The following WAS variants were observed in gnomAD, a reference collection of about 807,000 sequenced individuals.
WAS encodes the protein actin nucleation-promoting factor WAS.
WAS carries 1 observed loss-of-function variant against 38.9 expected under a neutral mutation model. The observed-to-expected ratio is 0.03, with a 90% CI of 0.01 to 0.12. The LOEUF (loss-of-function observed/expected upper bound fraction) is 0.12. Ranked by LOEUF, WAS falls within the 10% of genes least tolerant of loss-of-function variation. The pLI is 1.00. For synonymous variants in WAS, 182 were observed against 173.6 expected, an observed-to-expected ratio of 1.05 and a Z score of -0.38; for missense variants, 311 against 431.2, an observed-to-expected ratio of 0.72 and a Z score of 2.47.
upstream of WAS, among the ~76,000 whole-genome samples, chrX:48,682,775 G>T (rs2147261455): frequency 9.1e-6 from 1 of 109,322 alleles, no homozygotes; most frequent in African/African-American, 3.3e-5. Context: ...TGTGCCTGTA[G>T]TCCCAGCTAC....
chrX:48,686,680 A>AAC lies in WAS; in HGVS notation c.560-91_560-90dup, dbSNP rs2062421010. ...TCACCCACTACCTCCATGACCATCC[A>AAC]ACACACACACAGATTTCCCTCAAGG... On this transcript the variant is annotated intron_variant, in intron 6 of 11. Coordinates refer to ENST00000376701, the MANE Select transcript of WAS (RefSeq NM_000377.3). The AAC allele has an allele frequency of 2.9e-6, 3 of 1,023,341 alleles. No individual in the cohort carries two copies. The East Asian group carries it at 9.3e-5, about 32-fold the overall frequency. 84.3% of individuals were successfully genotyped at this position (1,023,341 alleles called of 1,213,427 possible). A position where few individuals can be genotyped will look rare whatever the true frequency, so the allele number is the denominator to read the frequency against.
Position 48,686,824 on chromosome X carries a change from C to T in WAS, c.603C>T (p.Asp201=), listed in dbSNP as rs2062421636. 5 of 1,212,024 alleles carry T rather than the reference C, an allele frequency of 4.1e-6. No homozygotes were observed. Among genetic ancestry groups the T allele is most frequent in the Non-Finnish European group, 5.6e-6 (5 of 895,573 alleles). The change falls in exon 7 of 12, where the codon GAC becomes GAT. Residue 201 remains aspartate (D), a synonymous_variant. Coordinates refer to ENST00000376701, the MANE Select transcript of WAS (RefSeq NM_000377.3). ...GPLSLGLATV[D]IQNPDITSSR... is the part of the protein sequence containing the mutation. The stretch of plus-strand genomic sequence containing the variant: ...TCTCCCTGGGGCTGGCGACAGTGGA[C>T]ATCCAGAACCCTGACATCACGAGTT...
chrX:48,679,081 G>A (rs1289472995), upstream of WAS, among the ~76,000 whole-genome samples: 1 of 108,588 alleles, frequency 9.2e-6, no homozygotes, highest in African/African-American at 3.4e-5. Flanking sequence ...CCAGGCTAGA[G>A]TGCACTGAGG....
At chrX:48,688,197 CCT>C (rs1206968921) in intron 8 of WAS, 101 bp downstream of exon 8, 4 of 1,147,206 alleles carry the variant, frequency 3.5e-6, no homozygotes, top group Non-Finnish European at 4.7e-6. Flanking sequence ...TTCCCACACC[CCT>C]CTCAGATCCC....
At chrX:48,682,147 C>T (rs1394893877), upstream of WAS, among the ~76,000 whole-genome samples, 1 of 112,268 alleles carries the variant, frequency 8.9e-6, no homozygotes, top group Non-Finnish European at 1.9e-5. Context: ...TGAGAGTCTG[C>T]ATGCCTATGT....
intron 6 of WAS, among the ~76,000 whole-genome samples, chrX:48,686,545 A>T (rs1332566396): frequency 2.7e-5 from 3 of 112,659 alleles, no homozygotes; most frequent in Non-Finnish European, 5.6e-5. Flanking sequence ...TCATTAGTCA[A>T]TGAGCCAGTG....
intron 11 of WAS, among the ~76,000 whole-genome samples, chrX:48,690,333 G>T (rs1286886153): frequency 9.2e-6 from 1 of 108,777 alleles, no homozygotes; most frequent in Admixed American, 9.8e-5. Context: ...TCACTACCAA[G>T]CTCTCACTAC....
intron 1 of WAS, 84 bp downstream of exon 1, chrX:48,684,069 G>A (rs782741936): frequency 4.0e-5 from 45 of 1,118,515 alleles, no homozygotes; most frequent in Admixed American, 2.8e-4. Context: ...CCCTCCTCCC[G>A]CTCCTCCTTT....
Position 48,683,953 on chromosome X carries a change from C to A in WAS, c.100C>A (p.Arg34=), listed in dbSNP as rs132630271. ...STLLQDHENQ[R]LFEMLGRKCL... is the part of the protein sequence containing the mutation. ...CCTCCTCCAGGACCACGAGAACCAG[C>A]GACTCTTTGAGATGCTTGGACGAAA... Residue 34 remains arginine (R), a synonymous_variant, in exon 1 of 12, where the codon CGA becomes AGA. Coordinates refer to ENST00000376701, the MANE Select transcript of WAS (RefSeq NM_000377.3). 8.3e-7 allele frequency: 1 copy of A among 1,211,237 alleles called. No individual in the cohort carries two copies. The highest frequency in any genetic ancestry group is 3.0e-5 in the East Asian group (1 of 33,808).
intron 9 of WAS, 79 bp from the exon 10 acceptor site, chrX:48,688,581 C>T: frequency 8.4e-7 from 1 of 1,193,812 alleles, no homozygotes; most frequent in Admixed American, 2.2e-5. Context: ...AGTGGGGGTA[C>T]CCATTTTACA....
In WAS at chrX:48,688,757, C is replaced by T. The variant is rs1207365909; in HGVS notation, c.1029C>T (p.Pro343=). The change falls in exon 10 of 12, where the codon CCC becomes CCT. Residue 343 remains proline (P), a synonymous_variant. Transcript: ENST00000376701. ...ACAAGGGTCGTTCTGGTCCACTGCC[C>T]CCTGTACCTTTGGGGATTGCCCCAC... ...GGNKGRSGPL[P]PVPLGIAPPP... is the part of the protein sequence containing the mutation. 1 of 1,161,423 alleles carries T rather than the reference C, an allele frequency of 8.6e-7. No individual in the cohort carries two copies. The highest frequency in any genetic ancestry group is 3.0e-5 in the East Asian group (1 of 33,106).
intron 7 of WAS, among the ~76,000 whole-genome samples, chrX:48,687,839 T>A (rs1482386792): frequency 9.1e-6 from 1 of 109,999 alleles, no homozygotes; most frequent in African/African-American, 3.3e-5. Flanking sequence ...ATGGGATAGA[T>A]GGGGAAAGAG....
upstream of WAS, among the ~76,000 whole-genome samples, chrX:48,681,784 T>A (rs1557005795): frequency 9.0e-6 from 1 of 111,441 alleles, no homozygotes; most frequent in African/African-American, 3.3e-5. Context: ...GGAGGGAGGT[T>A]GGAACTGCCA....
In WAS at chrX:48,688,946, C is replaced by T. The variant is rs370053372; in HGVS notation, c.1218C>T (p.Ser406=). 1.5e-5 allele frequency: 17 copies of T among 1,166,079 alleles called. No individual in the cohort carries two copies. The highest frequency in any genetic ancestry group is 1.9e-5 in the South Asian group (1 of 51,688). ...PPPPPPPPPS[S]GNGPAPPPLP... ...CACCACCGCCACCGCCGCCCAGCTC[C>T]GGGAATGGACCAGCCCCTCCCCCAC... Residue 406 remains serine, a synonymous_variant, in exon 10 of 12, where the codon TCC becomes TCT. Transcript: ENST00000376701.
chrX:48,684,469 C>G, intron 2 of WAS, 46 bp downstream of exon 2: 2 of 1,186,294 alleles, frequency 1.7e-6, no homozygotes, highest in Non-Finnish European at 2.3e-6. Context: ...GTTCTCAACC[C>G]GCAAACCCAG....
chrX:48,685,992 G>A lies in WAS; in HGVS notation c.505+5G>A. On this transcript the variant is annotated splice_donor_5th_base_variant and intron_variant, in intron 5 of 11. Transcript: ENST00000376701. ...CACCAACACCAGCCAATGAAGGTGAGTCCTCTAGTGCAAGTAGGGGTAATA... is the reference window on the plus strand; with the variant it reads ...CACCAACACCAGCCAATGAAGGTGAATCCTCTAGTGCAAGTAGGGGTAATA... 8.3e-7 allele frequency: 1 copy of A among 1,211,712 alleles called. No individual in the cohort carries two copies. The highest frequency in any genetic ancestry group is 1.1e-6 in the Non-Finnish European group (1 of 895,395).
At chrX:48,683,568 G>A (rs902426591), upstream of WAS, among the ~76,000 whole-genome samples, 1 of 111,090 alleles carries the variant, frequency 9.0e-6, no homozygotes, top group Non-Finnish European at 1.9e-5. Context: ...GTCTGAGCCA[G>A]TCAGAAGGAG....
At chrX:48,686,988 C>T (rs1281960705) in intron 7 of WAS, 33 bp downstream of exon 7, 3 of 1,179,640 alleles carry the variant, frequency 2.5e-6, no homozygotes, top group Admixed American at 4.8e-5. Context: ...CCCACAGATT[C>T]CTGGGGGCAG....
In WAS at chrX:48,684,416, G is replaced by A. The variant is rs139857045; in HGVS notation, c.266G>A (p.Gly89Asp). Reference protein sequence around the residue: ...PQKSYFIRLYGLQAGRLLWEQ... With the variant: ...PQKSYFIRLYDLQAGRLLWEQ... ...AAGTCCTACTTCATCCGCCTTTACG[G>A]CCTTCAGGTGACCCCCCCACCCCCG... The change falls in exon 2 of 12, where the codon GGC (glycine) becomes GAC (aspartate). Residue 89 changes from glycine (G) to aspartate (D), a missense_variant. Physicochemically the swap from Gly to Asp is moderately conservative, Grantham distance 94. Around this residue, in one of 4 missense-constraint regions of WAS, gnomAD observed 64 missense variants for 122.5 expected, o/e 0.52. Transcript: ENST00000376701. 24 of 1,204,627 alleles carry A rather than the reference G, an allele frequency of 2.0e-5. No homozygotes were observed. In the African/African-American group the frequency reaches 4.3e-4, roughly 21 times the overall value.
Sources: allele counts gnomAD v4.1 joint callset (sites outside exome capture counted in the v4.1 genomes callset), GRCh38; gene constraint gnomAD v4.1.1; regional missense constraint gnomAD v4.1.1; transcripts MANE v1.5; gene names NCBI Gene and HGNC (gene_info 2026-07-23, HGNC 2026-07-21).